Variants in CDH13 observed in about 807,000 individuals in gnomAD.
The protein encoded by CDH13 is cadherin 13.
CDH13 carries 24 observed loss-of-function variants against 63.8 expected under a neutral mutation model. The ratio of observed to expected loss-of-function variants is 0.38; its 90% CI spans 0.27 to 0.53. The LOEUF (loss-of-function observed/expected upper bound fraction) is 0.53, where lower values mean the gene tolerates loss of function less well. CDH13 is among the 20% of genes least tolerant of loss of function. The pLI, the probability that CDH13 is intolerant of heterozygous loss-of-function variation, is 0.85. For synonymous variants in CDH13, 503 were observed against 355.3 expected (o/e 1.42, Z -4.67); for missense variants, 1,049 against 903.1 (o/e 1.16, Z -2.07).
At position 82,835,635 on chromosome 16, in the gene CDH13, C is replaced by T. The variant is rs147166801; in HGVS notation, c.46-22727C>T. Among the ~76,000 whole-genome samples, 86 of 152,296 alleles carry T rather than the reference C, an allele frequency of 5.6e-4. No individual in the cohort carries two copies. The East Asian group carries it at 0.01, about 18-fold the overall frequency. On this transcript the variant is annotated intron_variant, in intron 1 of 13. Coordinates refer to ENST00000567109, the MANE Select transcript of CDH13 (RefSeq NM_001257.5). Reference sequence around the variant, plus strand: ...GGTGCATACAGTCCTATGCTCCCAGCTTATGAGGAAATGCTCTGTCCCTCC... The same window carrying T: ...GGTGCATACAGTCCTATGCTCCCAGTTTATGAGGAAATGCTCTGTCCCTCC...
intron 1 of CDH13, among the ~76,000 whole-genome samples, chr16:82,673,872 A>G (rs1206631592): frequency 1.3e-5 from 2 of 152,224 alleles, no homozygotes; most frequent in East Asian, 3.9e-4. Flanking sequence ...CAGGTCCTCA[A>G]AAACTGAGAA....
At chr16:82,996,326 T>G (rs1181184042) in intron 2 of CDH13, among the ~76,000 whole-genome samples, 1 of 152,162 alleles carries the variant, frequency 6.6e-6, no homozygotes, top group Non-Finnish European at 1.5e-5. Context: ...CTCATCAGCT[T>G]CCTGAACTGG....
intron 5 of CDH13, among the ~76,000 whole-genome samples, chr16:83,293,012 G>A (rs1429372204): frequency 6.6e-6 from 1 of 152,142 alleles, no homozygotes; most frequent in Non-Finnish European, 1.5e-5. Flanking sequence ...TTGGACTAAA[G>A]TTACTAAACA....
chr16:82,652,963 A>C (rs1910901062), intron 1 of CDH13, among the ~76,000 whole-genome samples: 1 of 152,158 alleles, frequency 6.6e-6, no homozygotes, highest in Non-Finnish European at 1.5e-5. Flanking sequence ...TCGTTCATTC[A>C]TGTGCTGGCT....
intron 2 of CDH13, among the ~76,000 whole-genome samples, chr16:83,018,003 A>T (rs1017276984): frequency 6.6e-6 from 1 of 151,590 alleles, no homozygotes; most frequent in East Asian, 1.9e-4. Flanking sequence ...ATGTGAAAAA[A>T]CTCTCTTCTT....
intron 1 of CDH13, among the ~76,000 whole-genome samples, chr16:82,742,350 C>G (rs1340867293): frequency 1.3e-5 from 2 of 151,708 alleles, no homozygotes; most frequent in Non-Finnish European, 2.9e-5. Context: ...TCCAAATTTT[C>G]TACAATGAAC....
intron 2 of CDH13, among the ~76,000 whole-genome samples, chr16:82,951,818 C>T (rs1215410564): frequency 6.6e-6 from 1 of 152,174 alleles, no homozygotes; most frequent in Non-Finnish European, 1.5e-5. Flanking sequence ...TGTTGTACAC[C>T]CATGGGAATC....
intron 4 of CDH13, among the ~76,000 whole-genome samples, chr16:83,128,848 T>C (rs941382236): frequency 6.6e-6 from 1 of 152,242 alleles, no homozygotes; most frequent in Non-Finnish European, 1.5e-5. Flanking sequence ...GTGTTGCCCA[T>C]ACTTGTTCTC....
intron 4 of CDH13, among the ~76,000 whole-genome samples, chr16:83,153,954 G>A (rs2037098875): frequency 6.6e-6 from 1 of 152,154 alleles, no homozygotes. Context: ...AACAAAAGAA[G>A]CTTGTTCACT....
At chr16:83,788,987 A>G (rs1193074518) in intron 13 of CDH13, among the ~76,000 whole-genome samples, 2 of 152,226 alleles carry the variant, frequency 1.3e-5, no homozygotes, top group Non-Finnish European at 2.9e-5. Flanking sequence ...TGGTCTGGTC[A>G]TGTGTAAAAG....
Position 83,047,404 on chromosome 16 carries a change from G to C in CDH13, c.366+15186G>C, listed in dbSNP as rs565324479. On this transcript the variant is annotated intron_variant, in intron 3 of 13. Transcript: ENST00000567109. This position sits in a 1 kb window ranked among gnomAD's most constrained non-coding sequence, Gnocchi z 4.9. ...TATTCCAAGTCCCTTATTCGATTTGGCCCTTGTTAACAAAGCCTAGTCTGT... is the reference window on the plus strand; with the variant it reads ...TATTCCAAGTCCCTTATTCGATTTGCCCCTTGTTAACAAAGCCTAGTCTGT... Among the ~76,000 whole-genome samples the C allele has an allele frequency of 1.3e-5, 2 of 152,120 alleles. No homozygotes were observed. The highest frequency in any genetic ancestry group is 3.9e-4 in the East Asian group (2 of 5,178).
At chr16:83,394,400 T>C (rs138229388) in intron 6 of CDH13, among the ~76,000 whole-genome samples, 1 of 152,126 alleles carries the variant, frequency 6.6e-6, no homozygotes, top group Non-Finnish European at 1.5e-5. Flanking sequence ...CGTGGATAAC[T>C]GGAGGTACAG....
chr16:83,435,603 C>G (rs1268842356), intron 6 of CDH13, among the ~76,000 whole-genome samples: 1 of 152,268 alleles, frequency 6.6e-6, no homozygotes, highest in East Asian at 1.9e-4. Context: ...TCCCTGATCT[C>G]AGGGTCTTTG....
rs71382861 is a variant in CDH13 at position 83,045,634 on chromosome 16, TAAAAA to T, written c.366+13437_366+13441del. On this transcript the variant is annotated intron_variant, in intron 3 of 13. Transcript: ENST00000567109. ...TCTGGGCGACAGATCAAGATTCCTT[TAAAAA>T]AAAAAAAAAAAAAAAAAAAAGATGG... Among the ~76,000 whole-genome samples, 91 of 107,908 alleles carry T rather than the reference TAAAAA, an allele frequency of 8.4e-4. 1 individual carries two copies. Among genetic ancestry groups the T allele is most frequent in the African/African-American group, 2.8e-3 (76 of 27,072 alleles). 70.8% of individuals were successfully genotyped at this position (107,908 alleles called of 152,430 possible).
At chr16:82,792,889 A>T (rs1345187242) in intron 1 of CDH13, among the ~76,000 whole-genome samples, 2 of 151,910 alleles carry the variant, frequency 1.3e-5, no homozygotes, top group Non-Finnish European at 2.9e-5. Flanking sequence ...GTCCACATGA[A>T]ATGCCTGGCA....
intron 5 of CDH13, among the ~76,000 whole-genome samples, chr16:83,236,125 C>T (rs1023275824): frequency 2.0e-5 from 3 of 152,110 alleles, no homozygotes; most frequent in African/African-American, 7.2e-5. Flanking sequence ...CTCTACTTCT[C>T]CCTAGTTTGT....
intron 1 of CDH13, among the ~76,000 whole-genome samples, chr16:82,709,989 G>C (rs902686715): frequency 6.6e-6 from 1 of 151,820 alleles, no homozygotes; most frequent in African/African-American, 2.4e-5. Flanking sequence ...ACCATCTTCT[G>C]GGCTTGATAG....
At chr16:83,730,174 A>G (rs1224160547) in intron 10 of CDH13, among the ~76,000 whole-genome samples, 2 of 152,234 alleles carry the variant, frequency 1.3e-5, no homozygotes, top group African/African-American at 2.4e-5. Flanking sequence ...TATAGTAAAC[A>G]TTGAAGGAGA....
At chr16:83,518,372 C>T (rs2074748159) in intron 7 of CDH13, among the ~76,000 whole-genome samples, 1 of 151,738 alleles carries the variant, frequency 6.6e-6, no homozygotes, top group South Asian at 2.1e-4. Context: ...GTCTCGATCT[C>T]CTGACCTTGT....
Sources: gnomAD v4.1 joint callset for allele counts (sites outside exome capture counted in the v4.1 genomes callset) on GRCh38, gnomAD v4.1.1 for gene constraint, Gnocchi (gnomAD v3.1) non-coding constraint, MANE v1.5 for transcripts, NCBI Gene and HGNC (gene_info 2026-07-23, HGNC 2026-07-21) for gene names.